The following LRMDA variants were observed in gnomAD, a reference collection of about 807,000 sequenced individuals.
The protein encoded by LRMDA is leucine-rich melanocyte differentiation-associated protein.
LRMDA carries 18 observed loss-of-function variants against 29.8 expected under a neutral mutation model. The ratio of observed to expected loss-of-function variants is 0.60; its 90% CI spans 0.42 to 0.90. LRMDA has a LOEUF of 0.90. Among genes scored for constraint, LRMDA ranks in the 40% least tolerant of loss-of-function variants. The probability of loss-of-function intolerance (pLI) is 0.00; values close to 1 mark genes in which losing one functional copy is unlikely to be tolerated. For missense variants in LRMDA, 273 were observed against 273.9 expected, an observed-to-expected ratio of 1.00 and a Z score of 0.02; for synonymous variants, 125 against 109.4, an observed-to-expected ratio of 1.14 and a Z score of -0.89.
intron 2 of LRMDA, among the ~76,000 whole-genome samples, chr10:75,872,153 G>T (rs556900833): frequency 6.6e-6 from 1 of 152,210 alleles, no homozygotes; most frequent in Admixed American, 6.5e-5. Context: ...TGAGAGAAGC[G>T]ATGTTGCTTT....
chr10:75,720,282 A>G (rs1842550295), intron 2 of LRMDA, among the ~76,000 whole-genome samples: 1 of 152,228 alleles, frequency 6.6e-6, no homozygotes, highest in Non-Finnish European at 1.5e-5. Flanking sequence ...GCATCGTGGC[A>G]TTACGGAGAG....
chr10:75,848,712 A>G (rs1332338535), intron 2 of LRMDA, among the ~76,000 whole-genome samples: 1 of 152,068 alleles, frequency 6.6e-6, no homozygotes, highest in Non-Finnish European at 1.5e-5. Flanking sequence ...CTCTCTAATT[A>G]TCTTGTGTGC....
Position 75,663,214 on chromosome 10 carries a change from T to C in LRMDA, c.131+224720T>C, listed in dbSNP as rs551370752. On this transcript the variant is annotated intron_variant, in intron 2 of 6. Coordinates refer to ENST00000611255, the MANE Select transcript of LRMDA (RefSeq NM_001305581.2). ...GGATTGGGATGGGGCTGAAGACCCC[T>C]ATGTCTGCCAGCAGCTTCTCCTCCT... 9.2e-5 allele frequency among the ~76,000 whole-genome samples: 14 copies of C among 152,276 alleles called. No homozygotes were observed. In the South Asian group the frequency reaches 2.9e-3, roughly 32 times the overall value.
intron 6 of LRMDA, among the ~76,000 whole-genome samples, chr10:76,436,351 G>A (rs903614348): frequency 1.8e-4 from 28 of 152,344 alleles, no homozygotes; most frequent in Admixed American, 1.6e-3. Flanking sequence ...GTGAAAGGGT[G>A]GAAAATGAAA....
chr10:75,752,430 C>G (rs1049820546), intron 2 of LRMDA, among the ~76,000 whole-genome samples: 9 of 152,272 alleles, frequency 5.9e-5, no homozygotes, highest in Admixed American at 1.3e-4. Context: ...CCAGGATGCT[C>G]TTGATCTCCT....
intron 2 of LRMDA, among the ~76,000 whole-genome samples, chr10:75,750,272 C>T (rs867752076): frequency 1.1e-4 from 16 of 151,066 alleles, no homozygotes; most frequent in East Asian, 2.0e-4. Flanking sequence ...CCTCCCTCCC[C>T]GCCGGGGCGG....
At position 76,190,751 on chromosome 10, in the gene LRMDA, A is replaced by G. The variant is rs1201270400; in HGVS notation, c.516+131968A>G. 2.0e-5 allele frequency among the ~76,000 whole-genome samples: 3 copies of G among 152,164 alleles called. No homozygotes were observed. The East Asian group carries it at 5.8e-4, about 29-fold the overall frequency. ...GGGAAAGAGGGTATTTTGCACCATG[A>G]CAACAGGTGACCTCTATTTGGAATT... On this transcript the variant is annotated intron_variant, in intron 5 of 6. Transcript: ENST00000611255.
chr10:76,280,067 A>G (rs921029281), intron 5 of LRMDA, among the ~76,000 whole-genome samples: 1 of 152,228 alleles, frequency 6.6e-6, no homozygotes, highest in African/African-American at 2.4e-5. Context: ...CACATTTAAG[A>G]TCATTGTCAA....
chr10:75,578,533 TCTGGACTAAGTG>T (rs774614466), intron 2 of LRMDA, among the ~76,000 whole-genome samples: 53 of 152,180 alleles, frequency 3.5e-4, no homozygotes, highest in Non-Finnish European at 7.4e-4. Flanking sequence ...TGAACTCAGC[TCTGGACTAAGTG>T]GACCTAATAG....
intron 5 of LRMDA, among the ~76,000 whole-genome samples, chr10:76,215,321 A>G (rs765852097): frequency 4.6e-5 from 7 of 152,150 alleles, no homozygotes; most frequent in Non-Finnish European, 8.8e-5. Flanking sequence ...GAGGAGGTGT[A>G]CCTTGCTGTA....
intron 2 of LRMDA, among the ~76,000 whole-genome samples, chr10:75,707,728 A>G (rs1324198275): frequency 1.3e-5 from 2 of 152,136 alleles, no homozygotes; most frequent in Non-Finnish European, 2.9e-5. Flanking sequence ...AGAGGTTTGG[A>G]GGCTGGTGGC....
intron 5 of LRMDA, among the ~76,000 whole-genome samples, chr10:76,137,052 A>T (rs939865097): frequency 1.2e-4 from 19 of 152,042 alleles, no homozygotes; most frequent in African/African-American, 4.3e-4. Context: ...TCCTATCTCC[A>T]TGCTTTTGTT....
intron 2 of LRMDA, among the ~76,000 whole-genome samples, chr10:75,460,415 G>A (rs970149395): frequency 1.3e-5 from 2 of 152,098 alleles, no homozygotes; most frequent in Non-Finnish European, 2.9e-5. Flanking sequence ...GTACCCTAGG[G>A]TTCCATGGAA....
chr10:76,195,631 T>C (rs1851319521), intron 5 of LRMDA, among the ~76,000 whole-genome samples: 1 of 152,202 alleles, frequency 6.6e-6, no homozygotes, highest in Non-Finnish European at 1.5e-5. Flanking sequence ...TTTGCAGCTA[T>C]AAGTTTGTCA....
intron 2 of LRMDA, among the ~76,000 whole-genome samples, chr10:76,020,951 T>C (rs1412044804): frequency 6.6e-6 from 1 of 152,248 alleles, no homozygotes; most frequent in Non-Finnish European, 1.5e-5. Context: ...GTGATGTTTT[T>C]CAAGCTGCCT....
chr10:76,413,602 G>T (rs1222774545), intron 6 of LRMDA, among the ~76,000 whole-genome samples: 1 of 152,128 alleles, frequency 6.6e-6, no homozygotes, highest in South Asian at 2.1e-4. Flanking sequence ...GGGAGTTACA[G>T]TTCAAGATGA....
At chr10:75,544,789 A>G (rs1054693552) in intron 2 of LRMDA, among the ~76,000 whole-genome samples, 1 of 152,110 alleles carries the variant, frequency 6.6e-6, no homozygotes, top group African/African-American at 2.4e-5. Flanking sequence ...TTATTGAGGT[A>G]TAATTGACGA....
intron 2 of LRMDA, among the ~76,000 whole-genome samples, chr10:75,996,020 A>G (rs1271638326): frequency 1.3e-5 from 2 of 152,152 alleles, no homozygotes; most frequent in Non-Finnish European, 2.9e-5. Flanking sequence ...AACCTCTCCA[A>G]ACTCACCAAC....
intron 2 of LRMDA, among the ~76,000 whole-genome samples, chr10:75,700,862 G>A (rs990653065): frequency 9.9e-5 from 15 of 152,124 alleles, no homozygotes; most frequent in African/African-American, 3.4e-4. Flanking sequence ...GCTGATAGTA[G>A]GGCTTAGCTG....
Sources: allele counts gnomAD v4.1 joint callset (sites outside exome capture counted in the v4.1 genomes callset), GRCh38; gene constraint gnomAD v4.1.1; transcripts MANE v1.5; gene names NCBI Gene and HGNC (gene_info 2026-07-23, HGNC 2026-07-21).